Variants in SUPT6H observed in about 807,000 individuals in gnomAD.
SUPT6H encodes the protein transcription elongation factor SPT6.
In SUPT6H, 11 loss-of-function variants were observed where a neutral mutation model predicts 222.3. The ratio of observed to expected loss-of-function variants is 0.05; its 90% confidence interval spans 0.03 to 0.08. SUPT6H has a LOEUF of 0.08. Among genes scored for constraint, SUPT6H ranks in the 10% least tolerant of loss-of-function variants. The probability of loss-of-function intolerance (pLI) is 1.00; values close to 1 mark genes in which losing one functional copy is unlikely to be tolerated. For synonymous variants in SUPT6H, 762 were observed against 801.2 expected, an observed-to-expected ratio of 0.95 and a Z score of 0.83; for missense variants, 1,422 against 2,216.0, an observed-to-expected ratio of 0.64 and a Z score of 7.19.
At chr17:28,672,129 GAA>G (rs1456178319) in intron 1 of SUPT6H, among the ~76,000 whole-genome samples, 4 of 152,180 alleles carry the variant, frequency 2.6e-5, no homozygotes, top group African/African-American at 7.2e-5. Flanking sequence ...TTAATCTATT[GAA>G]AAGAGATTTT....
At chr17:28,674,775 T>C in intron 4 of SUPT6H, 162 bp downstream of exon 4, 3 of 891,778 alleles carry the variant, frequency 3.4e-6, no homozygotes, top group Non-Finnish European at 5.2e-6. Flanking sequence ...ATCCCAGATC[T>C]GGGTGCCTGT....
intron 31 of SUPT6H, 63 bp from the exon 32 acceptor site, chr17:28,697,843 G>A: frequency 1.2e-6 from 2 of 1,607,408 alleles, no homozygotes; most frequent in South Asian, 2.2e-5. Flanking sequence ...CATCATGTGT[G>A]CACCAGACGT....
intron 29 of SUPT6H, among the ~76,000 whole-genome samples, chr17:28,696,585 C>CAAAAAA (rs368924462): frequency 3.7e-5 from 2 of 54,030 alleles, no homozygotes; most frequent in African/African-American, 1.4e-4. Context: ...GAGACTGTCT[C>CAAAAAA]AAAAAAAAAA....
At chr17:28,679,675 C>T (rs1038618578) in intron 11 of SUPT6H, among the ~76,000 whole-genome samples, 5 of 151,788 alleles carry the variant, frequency 3.3e-5, no homozygotes, top group East Asian at 4.0e-4. Flanking sequence ...CCACTGCGCC[C>T]GGCCGATCCT....
In SUPT6H at chr17:28,697,810, A is replaced by G. The variant is rs937887728; in HGVS notation, c.4323+77A>G. 1.9e-6 allele frequency: 3 copies of G among 1,606,306 alleles called. No homozygotes were observed. The African/African-American group carries it at 4.0e-5, about 21-fold the overall frequency. On this transcript the variant is annotated intron_variant, in intron 31 of 36. Transcript: ENST00000314616. ...ACGCTTTCCCTTCAGTATAGGGGAC[A>G]CTCAGGCGGTGAAGGAAGTGTACAT...
At chr17:28,689,970 G>T in intron 25 of SUPT6H, 112 bp from the exon 26 acceptor site, 2 of 1,321,894 alleles carry the variant, frequency 1.5e-6, no homozygotes, top group South Asian at 3.1e-5. Flanking sequence ...AAAAGAAGAA[G>T]CCCTGACAGA....
chr17:28,689,505 C>T lies in SUPT6H; in HGVS notation c.3286C>T (p.Pro1096Ser). The T allele has an allele frequency of 1.2e-6, 2 of 1,614,172 alleles. No individual in the cohort carries two copies. Among genetic ancestry groups the T allele is most frequent in the Non-Finnish European group, 8.5e-7 (1 of 1,180,044 alleles). ...AGCCCTTGAAGAAATCTTGGAAAACCCAGAGCGACTGAAAGACCTGGACCT... is the reference window on the plus strand; with the variant it reads ...AGCCCTTGAAGAAATCTTGGAAAACTCAGAGCGACTGAAAGACCTGGACCT... ...AGALEEILEN[P>S]ERLKDLDLDA... Residue 1096 changes from proline (P) to serine (S), a missense_variant, in exon 25 of 37, where the codon CCA (proline) becomes TCA (serine). This residue lies in a region of SUPT6H where 16 missense variants were observed against 88.5 expected (regional missense o/e 0.18). Coordinates refer to ENST00000314616, the MANE Select transcript of SUPT6H (RefSeq NM_003170.5).
In SUPT6H at chr17:28,677,755, TAGA is replaced by T; in HGVS notation, c.947_949del (p.Glu316del). 1.9e-6 allele frequency: 3 copies of T among 1,614,230 alleles called. No homozygotes were observed. Among genetic ancestry groups the T allele is most frequent in the Non-Finnish European group, 1.7e-6 (2 of 1,180,044 alleles). ...GTCAAGGGGGCTGAAGATGATGAAC[TAGA>T]AGAAGAAGCTGACTGGATCTACAGG... On this transcript the variant is annotated inframe_deletion, in exon 8 of 37. Coordinates refer to ENST00000314616, the MANE Select transcript of SUPT6H (RefSeq NM_003170.5).
In SUPT6H at chr17:28,678,142, A is replaced by G. The variant is rs748453374; in HGVS notation, c.1066A>G (p.Ile356Val). ...SSFSRKGPST[I>V]QKIKEALGFM... Reference sequence around the variant, plus strand: ...CTTCAGTCGGAAAGGGCCCAGCACAATTCAGAAGATCAAAGAGGCCCTGGG... The same window carrying G: ...CTTCAGTCGGAAAGGGCCCAGCACAGTTCAGAAGATCAAAGAGGCCCTGGG... The change falls in exon 9 of 37, where the codon ATT becomes GTT. Residue 356 changes from isoleucine to valine, a missense_variant. By Grantham distance (29) the Ile-to-Val change is conservative (BLOSUM62 3). This residue lies in a region of SUPT6H where 389 missense variants were observed against 544.6 expected (regional missense o/e 0.71). Transcript: ENST00000314616. 4.9e-5 allele frequency: 79 copies of G among 1,609,424 alleles called. No homozygotes were observed. In the South Asian group the frequency reaches 8.3e-4, roughly 17 times the overall value.
chr17:28,674,982 C>T lies in SUPT6H; in HGVS notation c.358C>T (p.Arg120Cys). The stretch of plus-strand genomic sequence containing the variant: ...TTCCCACCCCTAGCAAAAGTACCGG[C>T]GTGTCAAAAAAATGTCAGATGACGA... ...VKVKRGQKYR[R>C]VKKMSDDEDD... is the part of the protein sequence containing the mutation. The change falls in exon 5 of 37, where the codon CGT (arginine) becomes TGT (cysteine). Residue 120 changes from arginine to cysteine, a missense_variant. By Grantham distance (180) the Arg-to-Cys change is radical. This residue lies in a region of SUPT6H where 389 missense variants were observed against 544.6 expected (regional missense o/e 0.71). Transcript: ENST00000314616. The T allele has an allele frequency of 6.2e-7, 1 of 1,613,514 alleles. No individual in the cohort carries two copies. Among genetic ancestry groups the T allele is most frequent in the Non-Finnish European group, 8.5e-7 (1 of 1,179,830 alleles).
In SUPT6H at chr17:28,684,940, A is replaced by T; in HGVS notation, c.2466A>T (p.Arg822Ser). The part of the protein sequence containing the change: ...PHFTKRRTAW[R>S]EEEREKKAQD... Reference sequence around the variant, plus strand: ...TTACCAAACGGCGAACTGCATGGAGAGAGGAAGAGCGGGAAAAGAAGGCAA... The same window carrying T: ...TTACCAAACGGCGAACTGCATGGAGTGAGGAAGAGCGGGAAAAGAAGGCAA... The change falls in exon 19 of 37, where the codon AGA becomes AGT. Residue 822 changes from arginine to serine, a missense_variant. Around this residue, in one of 13 missense-constraint regions of SUPT6H, gnomAD observed 294 missense variants for 382.1 expected, o/e 0.77. Coordinates refer to ENST00000314616, the MANE Select transcript of SUPT6H (RefSeq NM_003170.5). 1 of 1,614,134 alleles carries T rather than the reference A, an allele frequency of 6.2e-7. No individual in the cohort carries two copies. Among genetic ancestry groups the T allele is most frequent in the Non-Finnish European group, 8.5e-7 (1 of 1,180,004 alleles).
Position 28,688,022 on chromosome 17 carries a change from A to G in SUPT6H, c.3007-69A>G, listed in dbSNP as rs543977739. 64 of 1,471,826 alleles carry G rather than the reference A, an allele frequency of 4.3e-5. No individual in the cohort carries two copies. Among genetic ancestry groups the G allele is most frequent in the Non-Finnish European group, 5.8e-5 (64 of 1,106,392 alleles). 91.2% of individuals were successfully genotyped at this position (1,471,826 alleles called of 1,614,324 possible). On this transcript the variant is annotated intron_variant, in intron 23 of 36. Coordinates refer to ENST00000314616, the MANE Select transcript of SUPT6H (RefSeq NM_003170.5). The surrounding 1 kb of genome is among the most constrained non-coding windows in gnomAD (Gnocchi z 4.3). ...AGAGTTTTTGTTATGAGGGTTTAAT[A>G]GAGACTGGAACAGTCTGGGGAGGTG...
Position 28,690,970 on chromosome 17 carries a change from G to C in SUPT6H, c.3540G>C (p.Gln1180His). ...NVTGIAHRRP[Q>H]GESYDQAIRN... ...CTGGCATTGCCCACAGGCGTCCCCA[G>C]GGTGAGAGCTATGACCAGGCGATCC... is the stretch of plus-strand genomic sequence containing the variant. Residue 1180 changes from glutamine to histidine, a missense_variant, in exon 27 of 37, where the codon CAG (glutamine) becomes CAC (histidine). By Grantham distance (24) the Gln-to-His change is conservative. Transcript: ENST00000314616. 1 of 1,614,106 alleles carries C rather than the reference G, an allele frequency of 6.2e-7. No individual in the cohort carries two copies. The highest frequency in any genetic ancestry group is 1.1e-5 in the South Asian group (1 of 91,076).
In SUPT6H at chr17:28,701,079, G is replaced by GCCCAGC. The variant is rs1170748777; in HGVS notation, c.4954_4959dup (p.Gln1652_Pro1653dup). 13 of 1,613,538 alleles carry GCCCAGC rather than the reference G, an allele frequency of 8.1e-6. No individual in the cohort carries two copies. The highest frequency in any genetic ancestry group is 9.3e-6 in the Non-Finnish European group (11 of 1,179,898). On this transcript the variant is annotated inframe_insertion, in exon 36 of 37. Transcript: ENST00000314616. Reference sequence around the variant, plus strand: ...CAGCACCACCCCACAGTCGGCCCAGGCCCAGCCCCAGCCCTCTTCCAGCTC... The same window carrying GCCCAGC: ...CAGCACCACCCCACAGTCGGCCCAGGCCCAGCCCCAGCCCCAGCCCTCTTCCAGCTC...
At chr17:28,678,310 C>A in intron 9 of SUPT6H, 118 bp downstream of exon 9, 1 of 964,478 alleles carries the variant, frequency 1.0e-6, no homozygotes, top group Non-Finnish European at 1.6e-6. Flanking sequence ...CATGACTCAA[C>A]AAGTGTTAGG....
rs1026370520 is a variant in SUPT6H, at chr17:28,674,847, A to G, written c.346-123A>G. On this transcript the variant is annotated intron_variant, in intron 4 of 36. Transcript: ENST00000314616. ...TGAGGCTACAAGAGCATCACTCGGC[A>G]TGTTCTTTCCCATCTCTCTTGGTCA... 21 of 1,242,178 alleles carry G rather than the reference A, an allele frequency of 1.7e-5. No individual in the cohort carries two copies. The African/African-American group carries it at 2.4e-4, about 14-fold the overall frequency. The allele number at this position is 1,242,178 out of a possible 1,614,324, so 76.9% of individuals were successfully genotyped here. A position where few individuals can be genotyped will look rare whatever the true frequency, so the allele number is the denominator to read the frequency against.
intron 19 of SUPT6H, among the ~76,000 whole-genome samples, chr17:28,685,610 A>T (rs1390351099): frequency 6.6e-6 from 1 of 151,762 alleles, no homozygotes; most frequent in Non-Finnish European, 1.5e-5. Flanking sequence ...CTGCCTTCCA[A>T]GTAGCTGGGA....
chr17:28,693,212 G>A (rs987751526), intron 27 of SUPT6H, among the ~76,000 whole-genome samples: 11 of 151,942 alleles, frequency 7.2e-5, no homozygotes, highest in African/African-American at 2.4e-4. Context: ...TGTAATCCCA[G>A]CACTTTGGGA....
chr17:28,679,184 C>G (rs2030936598), intron 11 of SUPT6H, among the ~76,000 whole-genome samples: 1 of 152,122 alleles, frequency 6.6e-6, no homozygotes, highest in Admixed American at 6.6e-5. Flanking sequence ...TCAGCTTGGC[C>G]AGCATGGTGA....
Sources: gnomAD v4.1 joint callset for allele counts (sites outside exome capture counted in the v4.1 genomes callset) on GRCh38, gnomAD v4.1.1 for gene constraint, gnomAD v4.1.1 regional missense constraint, Gnocchi (gnomAD v3.1) non-coding constraint, MANE v1.5 for transcripts, NCBI Gene and HGNC (gene_info 2026-07-23, HGNC 2026-07-21) for gene names.